Variants in ACSS1 observed in about 807,000 individuals in gnomAD.
ACSS1 encodes acetyl-coenzyme A synthetase 2-like, mitochondrial.
Under a neutral mutation model 75.3 loss-of-function variants are expected in ACSS1, and 42 were observed. The ratio of observed to expected loss-of-function variants is 0.56; its 90% confidence interval spans 0.44 to 0.72. The LOEUF (loss-of-function observed/expected upper bound fraction) is 0.72. ACSS1 is among the 30% of genes least tolerant of loss of function. The pLI is 0.00. For missense variants in ACSS1, 782 were observed against 935.7 expected, an observed-to-expected ratio of 0.84 and a Z score of 2.14; for synonymous variants, 380 against 376.8, an observed-to-expected ratio of 1.01 and a Z score of -0.10.
intron 2 of ACSS1, among the ~76,000 whole-genome samples, chr20:25,044,389 G>T (rs2089052516): frequency 6.6e-6 from 1 of 152,194 alleles, no homozygotes; most frequent in Non-Finnish European, 1.5e-5. Flanking sequence ...GTACTTGGGA[G>T]GCCAAGGTGG....
chr20:25,031,088 G>T, intron 2 of ACSS1, 130 bp from the exon 3 acceptor site: 1 of 906,506 alleles, frequency 1.1e-6, no homozygotes, highest in Non-Finnish European at 1.8e-6. Flanking sequence ...ACAGGCACTT[G>T]AATACTTAAT....
rs528374233 is a variant in ACSS1, at chr20:25,049,818, CCA to C, written c.335-1639_335-1638del. Reference sequence around the variant, plus strand: ...TGGATTCAACGCAGGCAGATTGGCTCCACAGTCTGTCCCACCGCCCCACCCTC... The same window carrying C: ...TGGATTCAACGCAGGCAGATTGGCTCCAGTCTGTCCCACCGCCCCACCCTC... On this transcript the variant is annotated intron_variant, in intron 1 of 13. Transcript: ENST00000323482. Among the ~76,000 whole-genome samples, 13 of 152,094 alleles carry C rather than the reference CCA, an allele frequency of 8.5e-5. No individual in the cohort carries two copies. The East Asian group carries it at 2.5e-3, about 29-fold the overall frequency.
At position 25,013,587 on chromosome 20, in the gene ACSS1, T is replaced by C. The variant is rs775305942; in HGVS notation, c.1528A>G (p.Ile510Val). The change falls in exon 10 of 14, where the codon ATC (isoleucine) becomes GTC (valine). Residue 510 changes from isoleucine to valine, a missense_variant. Ile to Val is a conservative substitution (Grantham distance 29, BLOSUM62 3). This residue lies in a region of ACSS1 where 405 missense variants were observed against 552.6 expected (regional missense o/e 0.73). Transcript: ENST00000323482. ...SQAWPGMART[I>V]YGDHQRFVDA... ...ACAAATCGCTGGTGGTCGCCATAGA[T>C]GGTCCTGGCCATGCCCGGCCAGGCC... The C allele has an allele frequency of 3.1e-6, 5 of 1,609,416 alleles. No individual in the cohort carries two copies. In the South Asian group the frequency reaches 4.4e-5, roughly 14 times the overall value.
At chr20:25,056,222 TC>T (rs1205253524) in intron 1 of ACSS1, among the ~76,000 whole-genome samples, 1 of 152,248 alleles carries the variant, frequency 6.6e-6, no homozygotes, top group African/African-American at 2.4e-5. Context: ...CTGTGAATGT[TC>T]CCCATGACCT....
chr20:25,022,189 T>C lies in ACSS1; in HGVS notation c.961-653A>G, dbSNP rs145566886. ...CTGACCAACATGGCAAAACCCTGTC[T>C]CTACTAAAAATACAAAAAAAAATTA... is the stretch of plus-strand genomic sequence containing the variant. On this transcript the variant is annotated intron_variant, in intron 5 of 13. Transcript: ENST00000323482. 1.3e-3 allele frequency among the ~76,000 whole-genome samples: 204 copies of C among 152,130 alleles called. 1 individual carries two copies. The highest frequency in any genetic ancestry group is 4.7e-3 in the African/African-American group (194 of 41,514).
chr20:25,030,800 G>A lies in ACSS1; in HGVS notation c.590C>T (p.Ala197Val). 4 of 1,614,252 alleles carry A rather than the reference G, an allele frequency of 2.5e-6. No homozygotes were observed. Among genetic ancestry groups the A allele is most frequent in the Non-Finnish European group, 2.5e-6 (3 of 1,180,050 alleles). The change falls in exon 3 of 14, where the codon GCT (alanine) becomes GTT (valine). Residue 197 changes from alanine to valine, a missense_variant. Ala to Val is a moderately conservative substitution (Grantham distance 64). This residue lies in a region of ACSS1 where 377 missense variants were observed against 383.1 expected (regional missense o/e 0.98). Transcript: ENST00000323482. Reference protein sequence around the residue: ...RIGAVHTVIFAGFSAESLAGR... With the variant: ...RIGAVHTVIFVGFSAESLAGR... ...AGCCAAGGACTCTGCACTGAAGCCAGCAAAGATGACTGTGTGGACAGCTCC... is the reference window on the plus strand; with the variant it reads ...AGCCAAGGACTCTGCACTGAAGCCAACAAAGATGACTGTGTGGACAGCTCC...
Position 25,023,080 on chromosome 20 carries a change from C to A in ACSS1, c.820G>T (p.Glu274Ter). 1 of 1,612,196 alleles carries A rather than the reference C, an allele frequency of 6.2e-7. No homozygotes were observed. The highest frequency in any genetic ancestry group is 8.5e-7 in the Non-Finnish European group (1 of 1,179,016). ...CTCTCTGGGGCGCAAACAGGGTCCT[C>A]CTTGGCCATTTCCTGGCAGGGAGAA... Reference protein sequence around the residue: ...DVPLEQEMAKEDPVCAPESMG... With the variant: ...DVPLEQEMAK The change falls in exon 5 of 14, where the codon GAG (glutamate) becomes TAG (stop). Residue 274 changes from glutamate (E) to a stop codon, truncating the protein, a stop_gained. Coordinates refer to ENST00000323482, the MANE Select transcript of ACSS1 (RefSeq NM_032501.4). LOFTEE classifies it high-confidence loss of function.
At chr20:25,017,231 T>C (rs935824227) in intron 7 of ACSS1, among the ~76,000 whole-genome samples, 1 of 152,196 alleles carries the variant, frequency 6.6e-6, no homozygotes, top group Non-Finnish European at 1.5e-5. Context: ...GTATTACTTA[T>C]GAAATTGAAA....
At chr20:25,047,174 C>A (rs1357884784) in intron 2 of ACSS1, among the ~76,000 whole-genome samples, 1 of 152,206 alleles carries the variant, frequency 6.6e-6, no homozygotes, top group Non-Finnish European at 1.5e-5. Flanking sequence ...GCCCCCAGGT[C>A]ACCCGAGTGG....
intron 2 of ACSS1, among the ~76,000 whole-genome samples, chr20:25,042,760 GC>G (rs2089024926): frequency 6.6e-6 from 1 of 152,002 alleles, no homozygotes; most frequent in Non-Finnish European, 1.5e-5. Flanking sequence ...CCCACTCTCG[GC>G]CCCAGCAGCC....
chr20:25,032,120 G>A (rs910020630), intron 2 of ACSS1, among the ~76,000 whole-genome samples: 2 of 152,184 alleles, frequency 1.3e-5, no homozygotes, highest in Non-Finnish European at 2.9e-5. Context: ...CTGGGCACAA[G>A]GTGGGTGAGC....
At chr20:25,022,781 G>A (rs980010662) in intron 5 of ACSS1, among the ~76,000 whole-genome samples, 159 bp downstream of exon 5, 5 of 152,400 alleles carry the variant, frequency 3.3e-5, no homozygotes, top group African/African-American at 4.8e-5. Flanking sequence ...CTGAGGAGCT[G>A]TAGGGTGGGA....
chr20:25,022,808 T>C (rs999485680), intron 5 of ACSS1, 132 bp downstream of exon 5: 3 of 1,293,330 alleles, frequency 2.3e-6, no homozygotes, highest in Non-Finnish European at 3.1e-6. Flanking sequence ...GAGGGGGCCC[T>C]GCCCCGAATA....
At chr20:25,049,154 T>G (rs1473607422) in intron 1 of ACSS1, among the ~76,000 whole-genome samples, 2 of 152,108 alleles carry the variant, frequency 1.3e-5, no homozygotes, top group Admixed American at 1.3e-4. Flanking sequence ...CACAGGAAAG[T>G]TCTTTGAACT....
In ACSS1 at chr20:25,006,869, TAAC is replaced by T; in HGVS notation, c.*890_*892del. ...TTTGGCTCTGACCAAGTTAGTGCTC[TAAC>T]AAGTCACCTGAGTTTCTAATAGCTT... is the stretch of plus-strand genomic sequence containing the variant. On this transcript the variant is annotated 3_prime_UTR_variant, in exon 14 of 14. Transcript: ENST00000323482. The T allele has an allele frequency of 1.3e-6, 2 of 1,535,510 alleles. No individual in the cohort carries two copies. Among genetic ancestry groups the T allele is most frequent in the Non-Finnish European group, 8.7e-7 (1 of 1,146,738 alleles).
Position 25,057,806 on chromosome 20 carries a change from C to T in ACSS1, c.297G>A (p.Lys99=). 1.3e-6 allele frequency: 2 copies of T among 1,597,314 alleles called. No homozygotes were observed. The highest frequency in any genetic ancestry group is 1.7e-6 in the Non-Finnish European group (2 of 1,167,848). ...TVWDCDFSTG[K]IGWFLGGQLN... ...ACTGGCCTCCCAGGAACCAGCCGAT[C>T]TTGCCAGTGCTGAAGTCGCAGTCCC... Residue 99 remains lysine (K), a synonymous_variant, in exon 1 of 14, where the codon AAG becomes AAA. Coordinates refer to ENST00000323482, the MANE Select transcript of ACSS1 (RefSeq NM_032501.4).
At position 25,037,294 on chromosome 20, in the gene ACSS1, C is replaced by A. The variant is rs2122712033; in HGVS notation, c.432-6336G>T. 2.0e-5 allele frequency among the ~76,000 whole-genome samples: 3 copies of A among 152,256 alleles called. No homozygotes were observed. The South Asian group carries it at 6.2e-4, about 32-fold the overall frequency. Reference sequence around the variant, plus strand: ...AGCATGAAGTGGGAAGGACCTCCACCAAGAGCGACACCCACCCTGCAGACA... The same window carrying A: ...AGCATGAAGTGGGAAGGACCTCCACAAAGAGCGACACCCACCCTGCAGACA... On this transcript the variant is annotated intron_variant, in intron 2 of 13. Coordinates refer to ENST00000323482, the MANE Select transcript of ACSS1 (RefSeq NM_032501.4).
intron 2 of ACSS1, among the ~76,000 whole-genome samples, chr20:25,037,344 G>T (rs1160297214): frequency 1.3e-5 from 2 of 152,086 alleles, no homozygotes; most frequent in African/African-American, 2.4e-5. Flanking sequence ...TCCCCTGAGG[G>T]GCTAGGCTGC....
At chr20:25,016,909 T>G (rs188330397) in intron 7 of ACSS1, among the ~76,000 whole-genome samples, 133 of 152,256 alleles carry the variant, frequency 8.7e-4, no homozygotes, top group Middle Eastern at 6.9e-3. Context: ...TACAGGAACT[T>G]AACTGCAGAG....
Sources: gnomAD v4.1 joint callset for allele counts (sites outside exome capture counted in the v4.1 genomes callset) on GRCh38, gnomAD v4.1.1 for gene constraint, gnomAD v4.1.1 regional missense constraint, MANE v1.5 for transcripts, NCBI Gene and HGNC (gene_info 2026-07-23, HGNC 2026-07-21) for gene names.